The following RBBP6 variants were observed in gnomAD, a reference collection of about 807,000 sequenced individuals.
RBBP6 encodes E3 ubiquitin-protein ligase RBBP6.
In RBBP6, 25 loss-of-function variants were observed where a neutral mutation model predicts 167.7. The observed-to-expected ratio is 0.15, with a 90% CI of 0.11 to 0.21. RBBP6 has a LOEUF of 0.21. Ranked by LOEUF, RBBP6 falls within the 10% of genes least tolerant of loss-of-function variation. The pLI is 1.00. For synonymous variants in RBBP6, 789 were observed against 735.8 expected (o/e 1.07, Z -1.17); for missense variants, 1,868 against 2,134.2 (o/e 0.88, Z 2.46).
rs753180660 is a variant in RBBP6, at chr16:24,553,587, TAA to T, written c.348+31_348+32del. The T allele has an allele frequency of 1.3e-5, 20 of 1,504,886 alleles. No individual in the cohort carries two copies. The African/African-American group carries it at 2.8e-4, about 21-fold the overall frequency. The allele number at this position is 1,504,886 out of a possible 1,614,324, so 93.2% of individuals were successfully genotyped here. On this transcript the variant is annotated intron_variant, in intron 4 of 17. Transcript: ENST00000319715. ...ATATATATATATATTCTTGAAAATA[TAA>T]GTTTTTTTCTAACATCATATTTTTT...
Position 24,541,205 on chromosome 16 carries a change from C to CAAAAAAAAAAAAAAAAAAAAAAAAA in RBBP6, c.166+420_166+421insAAAAAAAAAAAAAAAAAAAAAAAAA, listed in dbSNP as rs933107246. Among the ~76,000 whole-genome samples the CAAAAAAAAAAAAAAAAAAAAAAAAA allele has an allele frequency of 3.8e-5, 3 of 79,304 alleles. 1 individual carries two copies. Among genetic ancestry groups the CAAAAAAAAAAAAAAAAAAAAAAAAA allele is most frequent in the African/African-American group, 5.4e-5 (1 of 18,678 alleles). The allele number at this position is 79,304 out of a possible 152,430, so 52.0% of individuals were successfully genotyped here. On this transcript the variant is annotated intron_variant, in intron 1 of 17. Transcript: ENST00000319715. ...GCAAAAAAAAAAACAAAAAAAAAAC[C>CAAAAAAAAAAAAAAAAAAAAAAAAA]AAAAAAACAATTTTCTAACCTAACA...
chr16:24,549,808 C>T (rs751084851), intron 3 of RBBP6, among the ~76,000 whole-genome samples: 10 of 151,884 alleles, frequency 6.6e-5, no homozygotes, highest in Admixed American at 2.0e-4. Context: ...TAAAATGCTG[C>T]GTTAATTTTA....
chr16:24,571,891 A>G lies in RBBP6; in HGVS notation c.4825A>G (p.Lys1609Glu), dbSNP rs968562118. 7 of 1,614,054 alleles carry G rather than the reference A, an allele frequency of 4.3e-6. No individual in the cohort carries two copies. The highest frequency in any genetic ancestry group is 5.9e-6 in the Non-Finnish European group (7 of 1,180,012). Reference sequence around the variant, plus strand: ...AGAGCAAATTACTGGGCAAATTGACAAGAGTACTGTCAAGCCTAAACCCCA... The same window carrying G: ...AGAGCAAATTACTGGGCAAATTGACGAGAGTACTGTCAAGCCTAAACCCCA... Reference protein sequence around the residue: ...EKEQITGQIDKSTVKPKPQLS... With the variant: ...EKEQITGQIDESTVKPKPQLS... The change falls in exon 18 of 18, where the codon AAG becomes GAG. Residue 1609 changes from lysine (K) to glutamate (E), a missense_variant. Lys to Glu is a moderately conservative substitution (Grantham distance 56, BLOSUM62 1). Coordinates refer to ENST00000319715, the MANE Select transcript of RBBP6 (RefSeq NM_006910.5).
chr16:24,559,813 T>A, intron 8 of RBBP6, 136 bp downstream of exon 8: 2 of 700,548 alleles, frequency 2.9e-6, no homozygotes, highest in Non-Finnish European at 4.1e-6. Context: ...GAGCATTAAG[T>A]AGTGAGAAGT....
chr16:24,568,731 T>C lies in RBBP6; in HGVS notation c.2055-14T>C. 1 of 1,594,842 alleles carries C rather than the reference T, an allele frequency of 6.3e-7. No individual in the cohort carries two copies. The highest frequency in any genetic ancestry group is 8.6e-7 in the Non-Finnish European group (1 of 1,169,550). On this transcript the variant is annotated splice_polypyrimidine_tract_variant and intron_variant, in intron 16 of 17. Coordinates refer to ENST00000319715, the MANE Select transcript of RBBP6 (RefSeq NM_006910.5). Reference sequence around the variant, plus strand: ...ATTTCTCAACTATCAACTATTGTTTTGTTTTGTTTTTAGGTCTAAATCTCC... The same window carrying C: ...ATTTCTCAACTATCAACTATTGTTTCGTTTTGTTTTTAGGTCTAAATCTCC...
chr16:24,566,171 A>G (rs946078332), intron 14 of RBBP6, among the ~76,000 whole-genome samples: 2 of 152,202 alleles, frequency 1.3e-5, no homozygotes, highest in Non-Finnish European at 2.9e-5. Context: ...ATAGTTATTC[A>G]TGGCTCACTG....
At chr16:24,566,132 A>G (rs922168865) in intron 14 of RBBP6, among the ~76,000 whole-genome samples, 21 of 152,214 alleles carry the variant, frequency 1.4e-4, no homozygotes, top group African/African-American at 4.6e-4. Context: ...TTACTATGTC[A>G]TTACTGGATC....
rs1899069784 is a variant in RBBP6, at chr16:24,561,963, G to C, written c.1091G>C (p.Arg364Thr). The C allele has an allele frequency of 6.2e-7, 1 of 1,612,870 alleles. No individual in the cohort carries two copies. Among genetic ancestry groups the C allele is most frequent in the African/African-American group, 1.3e-5 (1 of 74,714 alleles). ...CCTCTGATGAGATCTCCGATATCAA[G>C]ACAACAAGATCCTCTTATGATTCCA... ...LQPLMRSPIS[R>T]QQDPLMIPVT... The change falls in exon 10 of 18, where the codon AGA becomes ACA. Residue 364 changes from arginine (R) to threonine (T), a missense_variant. Physicochemically the swap from Arg to Thr is moderately conservative, Grantham distance 71. Transcript: ENST00000319715.
At chr16:24,563,345 T>C (rs1899113277) in intron 11 of RBBP6, 50 bp downstream of exon 11, 1 of 1,575,070 alleles carries the variant, frequency 6.3e-7, no homozygotes, top group Non-Finnish European at 8.6e-7. Flanking sequence ...AGCAGGGTTT[T>C]GTTTTTCTGG....
Position 24,568,819 on chromosome 16 carries a change from C to T in RBBP6, c.2129C>T (p.Thr710Ile). ...TATTCTAAATCAAGATCTGGTTCAA[C>T]ACGTTCACGCTCTTATTCTCGATCA... ...YTYSKSRSGS[T>I]RSRSYSRSFS... The change falls in exon 17 of 18, where the codon ACA (threonine) becomes ATA (isoleucine). Residue 710 changes from threonine (T) to isoleucine (I), a missense_variant. Thr to Ile is a moderately conservative substitution (Grantham distance 89). Transcript: ENST00000319715. The T allele has an allele frequency of 6.2e-7, 1 of 1,614,226 alleles. No homozygotes were observed. Among genetic ancestry groups the T allele is most frequent in the Non-Finnish European group, 8.5e-7 (1 of 1,180,032 alleles).
In RBBP6 at chr16:24,561,311, G is replaced by C. The variant is rs144814466; in HGVS notation, c.848-301G>C. On this transcript the variant is annotated intron_variant, in intron 8 of 17. Coordinates refer to ENST00000319715, the MANE Select transcript of RBBP6 (RefSeq NM_006910.5). ...TGCTATTTTGCCCCAGGCTAGCCTT[G>C]AACTTCTAGGCTCAAGTGATTCTCC... 5.6e-3 allele frequency among the ~76,000 whole-genome samples: 845 copies of C among 151,532 alleles called. 7 individuals carry two copies. The highest frequency in any genetic ancestry group is 8.7e-3 in the Non-Finnish European group (593 of 67,940).
In RBBP6 at chr16:24,570,978, C is replaced by G. The variant is rs7196736; in HGVS notation, c.3912C>G (p.Thr1304=). The change falls in exon 18 of 18, where the codon ACC becomes ACG. Residue 1304 remains threonine, a synonymous_variant. Coordinates refer to ENST00000319715, the MANE Select transcript of RBBP6 (RefSeq NM_006910.5). ...TGGAAGAATATAATAATGACAATAC[C>G]GCGCCAGCTGAAGATGTTATCATTA... is the stretch of plus-strand genomic sequence containing the variant. ...KTMEEYNNDN[T]APAEDVIIMI... 262,645 of 1,610,230 alleles carry G rather than the reference C, an allele frequency of 0.16. 22,819 individuals are homozygous for G. Among genetic ancestry groups the G allele is most frequent in the South Asian group, 0.22 (20,297 of 90,758 alleles).
intron 14 of RBBP6, among the ~76,000 whole-genome samples, chr16:24,565,466 C>T (rs1240941520): frequency 6.6e-6 from 1 of 152,236 alleles, no homozygotes; most frequent in Non-Finnish European, 1.5e-5. Context: ...GGCAACACAG[C>T]AGGAGGTGAA....
At chr16:24,568,154 A>C (rs1453414393) in intron 16 of RBBP6, among the ~76,000 whole-genome samples, 1 of 152,236 alleles carries the variant, frequency 6.6e-6, no homozygotes, top group Non-Finnish European at 1.5e-5. Context: ...AATAATTGGG[A>C]AATGTTTTTG....
rs777306266 is a variant in RBBP6 at position 24,561,949 on chromosome 16, A to G, written c.1077A>G (p.Arg359=). The part of the protein sequence containing the change: ...LIQRNLQPLM[R]SPISRQQDPL... ...AGAGGAACCTACAACCTCTGATGAG[A>G]TCTCCGATATCAAGACAACAAGATC... Residue 359 remains arginine, a synonymous_variant, in exon 10 of 18, where the codon AGA becomes AGG. Transcript: ENST00000319715. 5.6e-6 allele frequency: 9 copies of G among 1,613,218 alleles called. No homozygotes were observed. Among genetic ancestry groups the G allele is most frequent in the Non-Finnish European group, 7.6e-6 (9 of 1,179,584 alleles).
rs1898902009 is a variant in RBBP6 at position 24,555,934 on chromosome 16, A to G, written c.534+17A>G. 6 of 1,535,492 alleles carry G rather than the reference A, an allele frequency of 3.9e-6. No homozygotes were observed. The highest frequency in any genetic ancestry group is 3.6e-6 in the Non-Finnish European group (4 of 1,108,932). On this transcript the variant is annotated intron_variant, in intron 6 of 17. Transcript: ENST00000319715. ...ACAAATGGGGTAAGTTCAAAGCAGA[A>G]ACTATGGTATATCTTACTTTTTTTC... is the stretch of plus-strand genomic sequence containing the variant.
chr16:24,560,376 G>A (rs955402024), intron 8 of RBBP6, among the ~76,000 whole-genome samples: 2 of 152,138 alleles, frequency 1.3e-5, no homozygotes, highest in East Asian at 3.8e-4. Flanking sequence ...CAAGTGCTGG[G>A]ATTACAGGCG....
Position 24,571,986 on chromosome 16 carries a change from C to G in RBBP6, c.4920C>G (p.Asp1640Glu). ...RETDEAAFEP[D>E]YNESDSESNV... ...CTGATGAAGCTGCTTTTGAACCAGACTATAATGAAAGTGACAGTGAAAGTA... is the reference window on the plus strand; with the variant it reads ...CTGATGAAGCTGCTTTTGAACCAGAGTATAATGAAAGTGACAGTGAAAGTA... Residue 1640 changes from aspartate to glutamate, a missense_variant, in exon 18 of 18, where the codon GAC becomes GAG. By Grantham distance (45) the Asp-to-Glu change is conservative (BLOSUM62 2). This residue lies in a region of RBBP6 where 591 missense variants were observed against 540.5 expected (regional missense o/e 1.09). Coordinates refer to ENST00000319715, the MANE Select transcript of RBBP6 (RefSeq NM_006910.5). 6.2e-7 allele frequency: 1 copy of G among 1,613,820 alleles called. No individual in the cohort carries two copies. Among genetic ancestry groups the G allele is most frequent in the Non-Finnish European group, 8.5e-7 (1 of 1,179,952 alleles).
At chr16:24,553,046 TAAAG>T (rs1898836149) in intron 3 of RBBP6, 1 of 152,178 alleles carries the variant, frequency 6.6e-6, no homozygotes, top group African/African-American at 2.4e-5. Context: ...TTTCAAAAAT[TAAAG>T]AAGTAGCAAT....
Sources: gnomAD v4.1 joint callset for allele counts (sites outside exome capture counted in the v4.1 genomes callset) on GRCh38, gnomAD v4.1.1 for gene constraint, gnomAD v4.1.1 regional missense constraint, MANE v1.5 for transcripts, NCBI Gene and HGNC (gene_info 2026-07-23, HGNC 2026-07-21) for gene names.